ARSJ: variants seen among roughly 807,000 people sequenced by gnomAD.
ARSJ encodes arylsulfatase family member J, also known as arylsulfatase J.
In ARSJ, 26 loss-of-function variants were observed where a neutral mutation model predicts 35.9. The ratio of observed to expected loss-of-function variants is 0.72; its 90% CI spans 0.53 to 1.00. The LOEUF is 1.00. Ranked by LOEUF, ARSJ falls within the 50% of genes least tolerant of loss-of-function variation. The pLI, the probability that ARSJ is intolerant of heterozygous loss-of-function variation, is 0.00. For synonymous variants in ARSJ, 294 were observed against 267.6 expected (o/e 1.10, Z -0.96); for missense variants, 667 against 723.6 (o/e 0.92, Z 0.90).
chr4:113,973,546 G>C (rs1227124238), intron 1 of ARSJ, among the ~76,000 whole-genome samples: 1 of 152,090 alleles, frequency 6.6e-6, no homozygotes, highest in Non-Finnish European at 1.5e-5. Context: ...AAAATGCCTG[G>C]TGTCTGTTAA....
At position 113,902,702 on chromosome 4, in the gene ARSJ, T is replaced by G. The variant is rs1257887260; in HGVS notation, c.1372A>C (p.Thr458Pro). 4 of 1,614,122 alleles carry G rather than the reference T, an allele frequency of 2.5e-6. No individual in the cohort carries two copies. The highest frequency in any genetic ancestry group is 3.4e-6 in the Non-Finnish European group (4 of 1,180,048). The change falls in exon 2 of 2, where the codon ACA becomes CCA. Residue 458 changes from threonine to proline, a missense_variant. By Grantham distance (38) the Thr-to-Pro change is conservative (BLOSUM62 -1). Transcript: ENST00000315366. ...AIRVQHWKLLTGNPGYSDWVP... is the reference protein window; with the variant it reads ...AIRVQHWKLLPGNPGYSDWVP... ...CAGTCGCTGTAGCCAGGATTTCCTG[T>G]AAGCAATTTCCAGTGCTGCACTCTG... is the stretch of plus-strand genomic sequence containing the variant.
At chr4:113,957,672 G>A (rs1249184701) in intron 1 of ARSJ, among the ~76,000 whole-genome samples, 1 of 151,984 alleles carries the variant, frequency 6.6e-6, no homozygotes, top group Admixed American at 6.6e-5. Flanking sequence ...ACTGATTTGT[G>A]TATTGAACAC....
chr4:113,943,486 A>C (rs1021520965), intron 1 of ARSJ: 4 of 152,022 alleles, frequency 2.6e-5, no homozygotes, highest in Non-Finnish European at 5.9e-5. Flanking sequence ...ATATTCAGTG[A>C]ACACTACTTT....
chr4:113,946,967 A>G (rs1194912268), intron 1 of ARSJ, among the ~76,000 whole-genome samples: 1 of 152,120 alleles, frequency 6.6e-6, no homozygotes, highest in Non-Finnish European at 1.5e-5. Context: ...TTAAACCTTC[A>G]TACATTAGAG....
intron 1 of ARSJ, chr4:113,943,411 C>A (rs994266881): frequency 1.3e-5 from 2 of 152,028 alleles, no homozygotes; most frequent in Admixed American, 6.6e-5. Context: ...CCCAACTGAG[C>A]AGAATTCCTC....
At chr4:113,977,409 T>C (rs1368373087) in intron 1 of ARSJ, among the ~76,000 whole-genome samples, 2 of 152,192 alleles carry the variant, frequency 1.3e-5, no homozygotes, top group East Asian at 3.9e-4. Flanking sequence ...TCTTACAAAA[T>C]AGTCTTTATT....
At chr4:113,964,051 G>T (rs1411958963) in intron 1 of ARSJ, among the ~76,000 whole-genome samples, 1 of 151,940 alleles carries the variant, frequency 6.6e-6, no homozygotes, top group Non-Finnish European at 1.5e-5. Context: ...GATCTAAAAA[G>T]CTCTATTCTT....
intron 1 of ARSJ, among the ~76,000 whole-genome samples, chr4:113,924,739 TA>T (rs769368470): frequency 1.3e-5 from 2 of 152,282 alleles, no homozygotes; most frequent in Middle Eastern, 6.8e-3. Flanking sequence ...AAAATGAAGA[TA>T]TTTTCTTAGC....
Position 113,902,435 on chromosome 4 carries a change from T to C in ARSJ, c.1639A>G (p.Asn547Asp). 6.2e-7 allele frequency: 1 copy of C among 1,614,086 alleles called. No individual in the cohort carries two copies. Among genetic ancestry groups the C allele is most frequent in the South Asian group, 1.1e-5 (1 of 91,070 alleles). ...TACCATGGTCCCCAGACCCCTCCAT[T>C]GAGCCTAGGGTTACTTCTGGGGTCT... ...PKDPRSNPRL[N>D]GGVWGPWYKE... Residue 547 changes from asparagine to aspartate, a missense_variant, in exon 2 of 2, where the codon AAT becomes GAT. Transcript: ENST00000315366.
intron 1 of ARSJ, among the ~76,000 whole-genome samples, chr4:113,922,941 A>C (rs1044182030): frequency 6.6e-6 from 1 of 152,194 alleles, no homozygotes; most frequent in Non-Finnish European, 1.5e-5. Flanking sequence ...TGAGATTATC[A>C]TTTAAGTCGG....
At chr4:113,925,019 C>A (rs1723963935) in intron 1 of ARSJ, among the ~76,000 whole-genome samples, 1 of 152,058 alleles carries the variant, frequency 6.6e-6, no homozygotes. Context: ...TGTAGTTTCC[C>A]ATTGACCTTA....
At chr4:113,906,301 A>G (rs78804122) in intron 1 of ARSJ, among the ~76,000 whole-genome samples, 8,652 of 152,288 alleles carry the variant, frequency 0.057, 326 homozygotes, top group East Asian at 0.11. Flanking sequence ...TTTCTCACCT[A>G]TTGGCAAAGG....
chr4:113,978,579 G>C lies in ARSJ; in HGVS notation c.256C>G (p.Gln86Glu). The change falls in exon 1 of 2, where the codon CAG (glutamine) becomes GAG (glutamate). Residue 86 changes from glutamine to glutamate, a missense_variant. By Grantham distance (29) the Gln-to-Glu change is conservative. Transcript: ENST00000315366. Reference sequence around the variant, plus strand: ...TGGTAACCCACATCTCTAAATCCCTGATCATCCGCTAGGATGAAAATGAGA... The same window carrying C: ...TGGTAACCCACATCTCTAAATCCCTCATCATCCGCTAGGATGAAAATGAGA... The part of the protein sequence containing the change: ...PHLIFILADD[Q>E]GFRDVGYHGS... The C allele has an allele frequency of 6.2e-7, 1 of 1,614,230 alleles. No homozygotes were observed. Among genetic ancestry groups the C allele is most frequent in the Non-Finnish European group, 8.5e-7 (1 of 1,180,040 alleles).
In ARSJ at chr4:113,902,281, C is replaced by T; in HGVS notation, c.1793G>A (p.Cys598Tyr). The change falls in exon 2 of 2, where the codon TGT becomes TAT. Residue 598 changes from cysteine to tyrosine, a missense_variant. Coordinates refer to ENST00000315366, the MANE Select transcript of ARSJ (RefSeq NM_024590.4). ...SGSTCHSGVT[C>Y]G ...AACAGGAAATATTTGTGCTTATCCACAAGTAACACCTGAATGGCAAGTTGA... is the reference window on the plus strand; with the variant it reads ...AACAGGAAATATTTGTGCTTATCCATAAGTAACACCTGAATGGCAAGTTGA... 6.2e-7 allele frequency: 1 copy of T among 1,610,150 alleles called. No homozygotes were observed. Among genetic ancestry groups the T allele is most frequent in the Non-Finnish European group, 8.5e-7 (1 of 1,180,016 alleles).
chr4:113,900,965 T>C lies in ARSJ; in HGVS notation c.*1309A>G, dbSNP rs907774086. 1 of 152,158 alleles carries C rather than the reference T, an allele frequency of 6.6e-6. No homozygotes were observed. The highest frequency in any genetic ancestry group is 2.4e-5 in the African/African-American group (1 of 41,432). 9.4% of individuals were successfully genotyped at this position (152,158 alleles called of 1,614,324 possible). A position where few individuals can be genotyped will look rare whatever the true frequency, so the allele number is the denominator to read the frequency against. On this transcript the variant is annotated 3_prime_UTR_variant, in exon 2 of 2. Transcript: ENST00000315366. Reference sequence around the variant, plus strand: ...TTTTAATGGGAAAAACCGCAACTAGTTTTGCACCAACCTAATATAAATGTT... The same window carrying C: ...TTTTAATGGGAAAAACCGCAACTAGCTTTGCACCAACCTAATATAAATGTT...
At chr4:113,975,812 C>A (rs553033647) in intron 1 of ARSJ, among the ~76,000 whole-genome samples, 1 of 152,280 alleles carries the variant, frequency 6.6e-6, no homozygotes, top group South Asian at 2.1e-4. Flanking sequence ...ATGATGTCAT[C>A]ATCACAATAA....
chr4:113,961,802 C>T (rs1726552604), intron 1 of ARSJ, among the ~76,000 whole-genome samples: 1 of 151,896 alleles, frequency 6.6e-6, no homozygotes, highest in Non-Finnish European at 1.5e-5. Flanking sequence ...AAGTGCAGGA[C>T]CACCAACTAC....
Position 113,978,937 on chromosome 4 carries a change from A to C in ARSJ, c.-103T>G, listed in dbSNP as rs1165942690. On this transcript the variant is annotated 5_prime_UTR_variant, in exon 1 of 2. Transcript: ENST00000315366. The stretch of plus-strand genomic sequence containing the variant: ...AGACGGTGAAGACTCTCCACCTGGC[A>C]AGAAATCCTCCTCTCCTCTCAGCTG... 17 of 1,252,826 alleles carry C rather than the reference A, an allele frequency of 1.4e-5. No individual in the cohort carries two copies. The Admixed American group carries it at 4.0e-4, about 29-fold the overall frequency. 77.6% of individuals were successfully genotyped at this position (1,252,826 alleles called of 1,614,324 possible). A position where few individuals can be genotyped will look rare whatever the true frequency, so the allele number is the denominator to read the frequency against.
chr4:113,963,636 C>T (rs975475106), intron 1 of ARSJ, among the ~76,000 whole-genome samples: 5 of 151,870 alleles, frequency 3.3e-5, no homozygotes, highest in Non-Finnish European at 5.9e-5. Context: ...CATAATCACC[C>T]AGTGTCTAGA....
Sources: gnomAD v4.1 joint callset for allele counts (sites outside exome capture counted in the v4.1 genomes callset) on GRCh38, gnomAD v4.1.1 for gene constraint, MANE v1.5 for transcripts, NCBI Gene and HGNC (gene_info 2026-07-23, HGNC 2026-07-21) for gene names.